Variants in GNB1 observed in about 807,000 individuals in gnomAD.
GNB1 encodes the protein G protein subunit beta 1.
GNB1 carries 2 observed loss-of-function variants against 42.9 expected under a neutral mutation model. That is an observed-to-expected ratio of 0.05 (90% CI 0.02 to 0.15). GNB1 has a LOEUF of 0.15. GNB1 is among the 10% of genes least tolerant of loss of function. GNB1 has a pLI of 1.00. For synonymous variants in GNB1, 183 were observed against 174.7 expected, an observed-to-expected ratio of 1.05 and a Z score of -0.38; for missense variants, 193 against 462.2, an observed-to-expected ratio of 0.42 and a Z score of 5.34.
chr1:1,796,793 T>C (rs1373561264), intron 7 of GNB1, among the ~76,000 whole-genome samples: 1 of 152,126 alleles, frequency 6.6e-6, no homozygotes, highest in East Asian at 1.9e-4. Context: ...CTCGCAGTGG[T>C]CTGGTCATAT....
At chr1:1,840,184 C>A (rs1208234692) in intron 1 of GNB1, among the ~76,000 whole-genome samples, 1 of 149,096 alleles carries the variant, frequency 6.7e-6, no homozygotes, top group Non-Finnish European at 1.5e-5. Flanking sequence ...GTGGAGATCA[C>A]GCCACTACAC....
At chr1:1,797,168 A>G (rs1029108920) in intron 7 of GNB1, among the ~76,000 whole-genome samples, 5 of 152,052 alleles carry the variant, frequency 3.3e-5, no homozygotes, top group Non-Finnish European at 5.9e-5. Flanking sequence ...GGCTTGAGAA[A>G]CCATCCATCT....
chr1:1,846,579 T>G (rs1647680026), intron 1 of GNB1, among the ~76,000 whole-genome samples: 1 of 151,906 alleles, frequency 6.6e-6, no homozygotes, highest in Admixed American at 6.6e-5. Context: ...AATCAATCAA[T>G]CAATCAATCA....
chr1:1,845,421 A>C (rs886436639), intron 1 of GNB1, among the ~76,000 whole-genome samples: 9 of 152,128 alleles, frequency 5.9e-5, no homozygotes, highest in African/African-American at 2.2e-4. Flanking sequence ...AAAATACAAA[A>C]AATTAGCCAG....
chr1:1,802,678 C>T (rs759295703), intron 7 of GNB1, among the ~76,000 whole-genome samples: 17 of 151,640 alleles, frequency 1.1e-4, no homozygotes, highest in South Asian at 2.1e-4. Context: ...GCAGGAGAAT[C>T]GCTTGAACCC....
intron 7 of GNB1, among the ~76,000 whole-genome samples, chr1:1,798,664 T>A (rs1456409502): frequency 6.6e-6 from 1 of 152,202 alleles, no homozygotes; most frequent in Non-Finnish European, 1.5e-5. Flanking sequence ...CCCTTAGGGA[T>A]CTGCTTTGAT....
At chr1:1,866,200 A>G (rs898528846) in intron 1 of GNB1, among the ~76,000 whole-genome samples, 1 of 152,254 alleles carries the variant, frequency 6.6e-6, no homozygotes, top group African/African-American at 2.4e-5. Context: ...TTGGTCTCTC[A>G]AAGTGCTGAG....
chr1:1,807,473 A>G, intron 5 of GNB1, among the ~76,000 whole-genome samples: 1 of 112,206 alleles, frequency 8.9e-6, no homozygotes, highest in African/African-American at 2.8e-5. Flanking sequence ...GAAAAAAAAA[A>G]AAAAAAAAAA....
chr1:1,866,622 T>C (rs1024459007), intron 1 of GNB1, among the ~76,000 whole-genome samples: 3 of 135,432 alleles, frequency 2.2e-5, no homozygotes, highest in African/African-American at 7.8e-5. Flanking sequence ...TAACTAGTAA[T>C]AGCTGATGAG....
chr1:1,884,727 G>C (rs1484607277), intron 1 of GNB1, among the ~76,000 whole-genome samples: 1 of 151,332 alleles, frequency 6.6e-6, no homozygotes, highest in East Asian at 2.0e-4. Flanking sequence ...CTGTCGCCCA[G>C]GCTGGAGTGC....
At chr1:1,796,458 G>C (rs997179395) in intron 7 of GNB1, among the ~76,000 whole-genome samples, 7 of 152,240 alleles carry the variant, frequency 4.6e-5, no homozygotes, top group African/African-American at 1.7e-4. Flanking sequence ...TCTTTTAGAA[G>C]TCCCAGCCTC....
At chr1:1,825,010 G>A (rs186965571) in intron 3 of GNB1, 224 of 166,912 alleles carry the variant, frequency 1.3e-3, no homozygotes, top group African/African-American at 4.8e-3. Context: ...TTTTTTTATT[G>A]TTGTTAATAC....
At chr1:1,860,595 C>T (rs1317963634) in intron 1 of GNB1, among the ~76,000 whole-genome samples, 46 of 150,742 alleles carry the variant, frequency 3.1e-4, no homozygotes, top group Non-Finnish European at 7.4e-5. Context: ...CGAGATCACG[C>T]CACTGCACTC....
At chr1:1,796,068 T>A (rs1646542379) in intron 7 of GNB1, among the ~76,000 whole-genome samples, 2 of 152,214 alleles carry the variant, frequency 1.3e-5, no homozygotes, top group African/African-American at 2.4e-5. Flanking sequence ...CCCATACAAC[T>A]ATTCTGTGTT....
In GNB1 at chr1:1,793,215, G is replaced by A. The variant is rs1010851312; in HGVS notation, c.497+30C>T. On this transcript the variant is annotated intron_variant, in intron 8 of 11. Transcript: ENST00000378609. Reference sequence around the variant, plus strand: ...TGTGCCAGGGGCTGTGGGTTCTCAAGGCACTGCCTGCCCCGGGTCAGGTAC... The same window carrying A: ...TGTGCCAGGGGCTGTGGGTTCTCAAAGCACTGCCTGCCCCGGGTCAGGTAC... 9 of 1,502,166 alleles carry A rather than the reference G, an allele frequency of 6.0e-6. No homozygotes were observed. The African/African-American group carries it at 8.2e-5, about 14-fold the overall frequency. The allele number at this position is 1,502,166 out of a possible 1,614,324, so 93.1% of individuals were successfully genotyped here. A position where few individuals can be genotyped will look rare whatever the true frequency, so the allele number is the denominator to read the frequency against.
At chr1:1,864,852 A>C (rs1001677499) in intron 1 of GNB1, among the ~76,000 whole-genome samples, 1 of 152,236 alleles carries the variant, frequency 6.6e-6, no homozygotes, top group Admixed American at 6.5e-5. Flanking sequence ...CACAAAACGT[A>C]AAGGTTTCAT....
In GNB1 at chr1:1,787,716, A is replaced by C. The variant is rs373022686; in HGVS notation, c.917-279T>G. Among the ~76,000 whole-genome samples the C allele has an allele frequency of 2.4e-4, 37 of 152,290 alleles. No individual in the cohort carries two copies. The highest frequency in any genetic ancestry group is 8.2e-4 in the African/African-American group (34 of 41,556). Reference sequence around the variant, plus strand: ...ACTCACTTATAAAACTTAAAAAAAGAAGCAAAGGCCACTATCAAAAAAATC... The same window carrying C: ...ACTCACTTATAAAACTTAAAAAAAGCAGCAAAGGCCACTATCAAAAAAATC... On this transcript the variant is annotated intron_variant, in intron 10 of 11. Transcript: ENST00000378609. This position sits in a 1 kb window ranked among gnomAD's most constrained non-coding sequence, Gnocchi z 4.4.
chr1:1,843,996 C>T (rs1379919551), intron 1 of GNB1, among the ~76,000 whole-genome samples: 1 of 151,916 alleles, frequency 6.6e-6, no homozygotes, highest in Non-Finnish European at 1.5e-5. Flanking sequence ...GAGATCGAGA[C>T]CATCCTGGCT....
chr1:1,871,588 C>A (rs1649252779), intron 1 of GNB1, among the ~76,000 whole-genome samples: 1 of 152,158 alleles, frequency 6.6e-6, no homozygotes, highest in Non-Finnish European at 1.5e-5. Flanking sequence ...ATAACCCCTC[C>A]ACCGACCATC....
Sources: allele counts gnomAD v4.1 joint callset (sites outside exome capture counted in the v4.1 genomes callset), GRCh38; gene constraint gnomAD v4.1.1; non-coding constraint Gnocchi (gnomAD v3.1); transcripts MANE v1.5; gene names NCBI Gene and HGNC (gene_info 2026-07-23, HGNC 2026-07-21).